CAST: variants seen among roughly 807,000 people sequenced by gnomAD.
The protein encoded by CAST is MIR583 host.
Under a neutral mutation model 119.6 loss-of-function variants are expected in CAST, and 76 were observed. The observed-to-expected ratio is 0.64, with a 90% CI of 0.53 to 0.77. The LOEUF (loss-of-function observed/expected upper bound fraction) is 0.77. CAST is among the 30% of genes least tolerant of loss of function. The pLI, the probability that CAST is intolerant of heterozygous loss-of-function variation, is 0.00. For synonymous variants in CAST, 319 were observed against 331.6 expected, an observed-to-expected ratio of 0.96 and a Z score of 0.41; for missense variants, 953 against 946.5, an observed-to-expected ratio of 1.01 and a Z score of -0.09.
intron 1 of CAST, chr5:96,663,050 G>T (rs1032712664): frequency 1.4e-6 from 1 of 700,034 alleles, no homozygotes; most frequent in East Asian, 2.7e-5. Flanking sequence ...CCGGCCAAGC[G>T]GAGTGTGAGC....
At chr5:96,402,266 G>A in the CAST span, among the ~76,000 whole-genome samples, 4 of 152,314 alleles carry the variant, frequency 2.6e-5, no homozygotes, top group East Asian at 5.8e-4. Flanking sequence ...TACCTGGCAC[G>A]ACACACGGGG....
the CAST span, among the ~76,000 whole-genome samples, chr5:95,964,423 A>G: frequency 4.6e-5 from 7 of 152,330 alleles, no homozygotes; most frequent in African/African-American, 1.4e-4. Flanking sequence ...TTAAACTGTA[A>G]AGTCTCTAGA....
intron 16 of CAST, among the ~76,000 whole-genome samples, chr5:96,745,135 A>G (rs1196983329): frequency 3.9e-5 from 6 of 152,178 alleles, no homozygotes; most frequent in East Asian, 3.8e-4. Context: ...GATGTTCATG[A>G]AGGCCGCTGT....
intron 1 of CAST, among the ~76,000 whole-genome samples, chr5:96,651,975 A>G (rs1276054903): frequency 1.3e-5 from 2 of 152,236 alleles, no homozygotes; most frequent in Non-Finnish European, 2.9e-5. Flanking sequence ...TAAAAGTAAC[A>G]GCCCTGCAAG....
the CAST span, among the ~76,000 whole-genome samples, chr5:96,262,360 A>T: frequency 6.6e-6 from 1 of 152,126 alleles, no homozygotes; most frequent in African/African-American, 2.4e-5. Context: ...TAGCTTCCTC[A>T]ACTTTTCATA....
the CAST span, among the ~76,000 whole-genome samples, chr5:96,366,160 C>T: frequency 3.4e-3 from 521 of 152,322 alleles, 5 homozygotes; most frequent in African/African-American, 0.012. Flanking sequence ...TTGGCCCCCA[C>T]CCTCTTCTGT....
chr5:96,475,021 G>T, the CAST span, among the ~76,000 whole-genome samples: 1 of 152,178 alleles, frequency 6.6e-6, no homozygotes, highest in Admixed American at 6.5e-5. Context: ...GTAAAAGGAG[G>T]TAGGGCCTCT....
the CAST span, among the ~76,000 whole-genome samples, chr5:96,383,495 G>A: frequency 1.3e-5 from 2 of 152,266 alleles, no homozygotes; most frequent in East Asian, 3.9e-4. Flanking sequence ...TCGCCAGGCT[G>A]GAGTGCAATG....
chr5:96,405,266 C>T, the CAST span, among the ~76,000 whole-genome samples: 1 of 152,150 alleles, frequency 6.6e-6, no homozygotes, highest in Non-Finnish European at 1.5e-5. Context: ...AGATCATAGA[C>T]TCTTAATATC....
At chr5:96,429,540 A>G in the CAST span, among the ~76,000 whole-genome samples, 1 of 152,030 alleles carries the variant, frequency 6.6e-6, no homozygotes, top group African/African-American at 2.4e-5. Context: ...TGTACAGATT[A>G]TTTCATCACC....
chr5:96,227,912 T>C, the CAST span, among the ~76,000 whole-genome samples: 13 of 152,292 alleles, frequency 8.5e-5, no homozygotes, highest in African/African-American at 2.6e-4. Context: ...TATGGTGGAT[T>C]TTGTCACTGT....
intron 2 of CAST, among the ~76,000 whole-genome samples, chr5:96,684,912 G>A (rs1751893423): frequency 6.6e-6 from 1 of 151,824 alleles, no homozygotes; most frequent in South Asian, 2.1e-4. Flanking sequence ...AGAAGCTAAG[G>A]ATGTACTTTT....
the CAST span, among the ~76,000 whole-genome samples, chr5:96,119,942 G>T: frequency 1.3e-5 from 2 of 151,996 alleles, no homozygotes; most frequent in Non-Finnish European, 2.9e-5. Context: ...ATCTAGAGAG[G>T]GTAAAATGAC....
chr5:96,382,511 G>T, the CAST span, among the ~76,000 whole-genome samples: 4 of 152,126 alleles, frequency 2.6e-5, no homozygotes, highest in African/African-American at 9.7e-5. Flanking sequence ...TTTGCACAAA[G>T]AACTATATTA....
chr5:96,710,439 A>T (rs1755888505), intron 3 of CAST, among the ~76,000 whole-genome samples: 1 of 147,446 alleles, frequency 6.8e-6, no homozygotes. Flanking sequence ...TAGGCCACAG[A>T]CCTCCTTCCC....
chr5:96,713,079 C>T (rs1307592725), intron 3 of CAST, among the ~76,000 whole-genome samples: 1 of 151,566 alleles, frequency 6.6e-6, no homozygotes. Flanking sequence ...AATGAATGCA[C>T]TATGGAAGTA....
chr5:96,048,883 T>C, the CAST span, among the ~76,000 whole-genome samples: 3 of 152,240 alleles, frequency 2.0e-5, no homozygotes, highest in South Asian at 6.2e-4. Context: ...GGTGAAGCAA[T>C]GGCTGGAGAA....
chr5:96,147,059 A>G, the CAST span, among the ~76,000 whole-genome samples: 1 of 152,338 alleles, frequency 6.6e-6, no homozygotes, highest in Non-Finnish European at 1.5e-5. Flanking sequence ...CTACCACAGT[A>G]CCAGATAACT....
chr5:96,553,711 A>G (rs969856567), intron 1 of CAST, among the ~76,000 whole-genome samples: 4 of 152,170 alleles, frequency 2.6e-5, no homozygotes, highest in African/African-American at 9.6e-5. Flanking sequence ...CAAAATCTCA[A>G]GATGCAAAAT....
Sources: allele counts gnomAD v4.1 joint callset (sites outside exome capture counted in the v4.1 genomes callset), GRCh38; gene constraint gnomAD v4.1.1; transcripts MANE v1.5; gene names NCBI Gene and HGNC (gene_info 2026-07-23, HGNC 2026-07-21).